The following SMYD3 variants were observed in gnomAD, a reference collection of about 807,000 sequenced individuals.
SMYD3 encodes histone-lysine N-methyltransferase SMYD3.
In SMYD3, 36 loss-of-function variants were observed where a neutral mutation model predicts 57.7. The ratio of observed to expected loss-of-function variants is 0.62; its 90% CI spans 0.48 to 0.82. SMYD3 has a LOEUF of 0.82. SMYD3 is among the 40% of genes least tolerant of loss of function. SMYD3 has a pLI of 0.00. For missense variants in SMYD3, 515 were observed against 538.8 expected (o/e 0.96, Z 0.44); for synonymous variants, 211 against 195.0 (o/e 1.08, Z -0.68).
chr1:245,879,009 G>C (rs1172465089), intron 8 of SMYD3, among the ~76,000 whole-genome samples: 2 of 152,202 alleles, frequency 1.3e-5, no homozygotes, highest in African/African-American at 4.8e-5. Flanking sequence ...GAAGAGCAGT[G>C]TTATTTCTTT....
chr1:245,799,847 G>A (rs1485321498), intron 10 of SMYD3, among the ~76,000 whole-genome samples: 1 of 150,708 alleles, frequency 6.6e-6, no homozygotes, highest in African/African-American at 2.4e-5. Flanking sequence ...CAATGAACCA[G>A]TAAGGCAGAG....
intron 1 of SMYD3, among the ~76,000 whole-genome samples, chr1:246,358,598 A>G (rs1214591386): frequency 6.6e-6 from 1 of 152,218 alleles, no homozygotes; most frequent in Non-Finnish European, 1.5e-5. Flanking sequence ...AAGAAAATCG[A>G]AATTATATCA....
intron 5 of SMYD3, among the ~76,000 whole-genome samples, chr1:246,151,860 G>A (rs547474247): frequency 3.9e-5 from 6 of 152,166 alleles, no homozygotes; most frequent in African/African-American, 7.2e-5. Context: ...GGCAGGAGCC[G>A]AGATCTTCTG....
At chr1:245,793,034 G>C (rs141032104) in intron 10 of SMYD3, among the ~76,000 whole-genome samples, 1 of 151,676 alleles carries the variant, frequency 6.6e-6, no homozygotes, top group Non-Finnish European at 1.5e-5. Flanking sequence ...ATATAGGCCA[G>C]GCACAGTGGC....
At chr1:245,916,401 T>G (rs2055423862) in intron 7 of SMYD3, among the ~76,000 whole-genome samples, 1 of 152,200 alleles carries the variant, frequency 6.6e-6, no homozygotes, top group African/African-American at 2.4e-5. Flanking sequence ...CATTTTGCAC[T>G]TGATTAGATC....
In SMYD3 at chr1:246,226,372, T is replaced by A. The variant is rs140691837; in HGVS notation, c.531+100829A>T. Reference sequence around the variant, plus strand: ...TCTTTTAAATTTACATAAAGACAAGTTAAAGATGAGGCCATGTACTACAGA... The same window carrying A: ...TCTTTTAAATTTACATAAAGACAAGATAAAGATGAGGCCATGTACTACAGA... On this transcript the variant is annotated intron_variant, in intron 5 of 11. Coordinates refer to ENST00000490107, the MANE Select transcript of SMYD3 (RefSeq NM_001167740.2). Among the ~76,000 whole-genome samples, 250 of 152,294 alleles carry A rather than the reference T, an allele frequency of 1.6e-3. 1 individual carries two copies. The highest frequency in any genetic ancestry group is 5.6e-3 in the African/African-American group (232 of 41,554).
At chr1:246,411,881 C>T (rs907008294) in intron 1 of SMYD3, among the ~76,000 whole-genome samples, 4 of 148,138 alleles carry the variant, frequency 2.7e-5, no homozygotes, top group African/African-American at 5.0e-5. Context: ...TGCTAAATGA[C>T]GAGTTAATGG....
At chr1:246,432,403 G>A (rs1179861798) in intron 1 of SMYD3, among the ~76,000 whole-genome samples, 1 of 152,190 alleles carries the variant, frequency 6.6e-6, no homozygotes, top group Admixed American at 6.5e-5. Flanking sequence ...TTTTAAAGGA[G>A]GTGGAGAGGT....
intron 10 of SMYD3, among the ~76,000 whole-genome samples, chr1:245,794,834 T>G (rs111545361): frequency 6.6e-6 from 1 of 152,220 alleles, no homozygotes; most frequent in Admixed American, 6.5e-5. Flanking sequence ...TTGGTTCTGT[T>G]CCTATTCTCC....
chr1:245,894,232 G>C (rs2053593930), intron 8 of SMYD3, among the ~76,000 whole-genome samples: 1 of 151,914 alleles, frequency 6.6e-6, no homozygotes, highest in African/African-American at 2.4e-5. Context: ...CTAGCTAGAG[G>C]TTTGTAAAAT....
At chr1:245,939,017 G>A (rs1333716041) in intron 5 of SMYD3, among the ~76,000 whole-genome samples, 2 of 151,990 alleles carry the variant, frequency 1.3e-5, no homozygotes, top group African/African-American at 4.8e-5. Context: ...GTGGTGGCCT[G>A]AGGCTATATT....
At chr1:246,120,551 T>C (rs758047002) in intron 5 of SMYD3, among the ~76,000 whole-genome samples, 43 of 152,288 alleles carry the variant, frequency 2.8e-4, no homozygotes, top group Non-Finnish European at 5.4e-4. Context: ...GTTGGATTCC[T>C]AAACATCTGT....
chr1:246,091,492 CAAAAA>C (rs35295300), intron 5 of SMYD3, among the ~76,000 whole-genome samples: 2 of 124,394 alleles, frequency 1.6e-5, no homozygotes, highest in Non-Finnish European at 1.6e-5. Context: ...AACCTCAGCA[CAAAAA>C]AAAAAAAAAA....
chr1:245,915,718 A>C, intron 7 of SMYD3, 78 bp from the exon 8 acceptor site: 1 of 927,824 alleles, frequency 1.1e-6, no homozygotes, highest in Non-Finnish European at 1.6e-6. Context: ...TATTATTGCT[A>C]ATTATTGGAG....
At chr1:246,300,717 G>A (rs942848098) in intron 5 of SMYD3, among the ~76,000 whole-genome samples, 1 of 152,080 alleles carries the variant, frequency 6.6e-6, no homozygotes, top group Non-Finnish European at 1.5e-5. Flanking sequence ...GGAATACAGG[G>A]ATAATAATAG....
At chr1:246,200,191 A>T (rs2062892378) in intron 5 of SMYD3, among the ~76,000 whole-genome samples, 1 of 151,550 alleles carries the variant, frequency 6.6e-6, no homozygotes, top group Non-Finnish European at 1.5e-5. Context: ...ACTGTGATAG[A>T]GAAGACAGAG....
chr1:245,887,415 G>A (rs374755887), intron 8 of SMYD3, among the ~76,000 whole-genome samples: 1 of 152,196 alleles, frequency 6.6e-6, no homozygotes, highest in Non-Finnish European at 1.5e-5. Flanking sequence ...TGGGGCTGCT[G>A]TGTGTGGAGG....
intron 3 of SMYD3, among the ~76,000 whole-genome samples, chr1:246,331,570 G>A (rs1558406403): frequency 6.8e-6 from 1 of 147,294 alleles, no homozygotes; most frequent in Middle Eastern, 3.4e-3. Context: ...AATAGGAAAA[G>A]AACAAATTTT....
At chr1:245,986,889 T>G (rs2148095959) in intron 5 of SMYD3, among the ~76,000 whole-genome samples, 1 of 152,360 alleles carries the variant, frequency 6.6e-6, no homozygotes, top group South Asian at 2.1e-4. Context: ...CAAATAAACA[T>G]GTATTTGAAA....
Sources: allele counts gnomAD v4.1 joint callset (sites outside exome capture counted in the v4.1 genomes callset), GRCh38; gene constraint gnomAD v4.1.1; transcripts MANE v1.5; gene names NCBI Gene and HGNC (gene_info 2026-07-23, HGNC 2026-07-21).